The following AK8 variants were observed in gnomAD, a reference collection of about 807,000 sequenced individuals.
The protein encoded by AK8 is adenylate kinase 8.
A neutral mutation model predicts 54.6 loss-of-function variants in AK8; 44 were observed. That is an observed-to-expected ratio of 0.81 (90% CI 0.63 to 1.04). AK8 has a LOEUF of 1.04. AK8 is among the 50% of genes least tolerant of loss of function. The probability of loss-of-function intolerance (pLI) is 0.00; values close to 1 mark genes in which losing one functional copy is unlikely to be tolerated. For missense variants in AK8, 555 were observed against 613.6 expected, an observed-to-expected ratio of 0.90 and a Z score of 1.01; for synonymous variants, 239 against 245.6, an observed-to-expected ratio of 0.97 and a Z score of 0.25.
chr9:132,866,699 G>A (rs1843612893), intron 3 of AK8, among the ~76,000 whole-genome samples: 1 of 152,180 alleles, frequency 6.6e-6, no homozygotes, highest in Non-Finnish European at 1.5e-5. Flanking sequence ...CTCATCTCTG[G>A]ATGGTCAGGG....
At chr9:132,849,310 C>T (rs935422125) in intron 5 of AK8, among the ~76,000 whole-genome samples, 4 of 152,188 alleles carry the variant, frequency 2.6e-5, no homozygotes, top group African/African-American at 4.8e-5. Context: ...CTACAGCCCG[C>T]GGGCCAAATC....
intron 11 of AK8, among the ~76,000 whole-genome samples, chr9:132,732,691 C>T (rs78645464): frequency 0.024 from 3,676 of 152,212 alleles, 118 homozygotes; most frequent in Admixed American, 0.031. Context: ...ATGAAGTTCA[C>T]GCCACGAGAG....
intron 2 of AK8, among the ~76,000 whole-genome samples, chr9:132,873,020 A>G (rs1332339824): frequency 6.6e-6 from 1 of 151,974 alleles, no homozygotes; most frequent in South Asian, 2.1e-4. Context: ...TCACCATGTT[A>G]GCCAGGATGT....
chr9:132,730,198 G>A (rs1039178651), intron 11 of AK8, among the ~76,000 whole-genome samples: 1 of 152,184 alleles, frequency 6.6e-6, no homozygotes, highest in Admixed American at 6.5e-5. Context: ...GCCTCTCACT[G>A]ACATCCTTGG....
chr9:132,853,075 G>A (rs1009525426), intron 5 of AK8, among the ~76,000 whole-genome samples: 1 of 151,902 alleles, frequency 6.6e-6, no homozygotes, highest in East Asian at 1.9e-4. Flanking sequence ...CCTAAAAATA[G>A]GCCGGGCACG....
chr9:132,821,726 C>CATATATGT (rs149160355), intron 9 of AK8, among the ~76,000 whole-genome samples: 4 of 99,822 alleles, frequency 4.0e-5, no homozygotes, highest in African/African-American at 1.8e-4. Flanking sequence ...TATGTATATA[C>CATATATGT]ATATATGTAT....
chr9:132,858,159 C>T (rs1036231003), intron 4 of AK8, among the ~76,000 whole-genome samples: 1 of 152,228 alleles, frequency 6.6e-6, no homozygotes, highest in Non-Finnish European at 1.5e-5. Flanking sequence ...TGCTTCCGTG[C>T]ACTTAAGGGC....
At chr9:132,858,175 A>G (rs1843251738) in intron 4 of AK8, among the ~76,000 whole-genome samples, 1 of 152,206 alleles carries the variant, frequency 6.6e-6, no homozygotes, top group African/African-American at 2.4e-5. Context: ...AGGGCAGGAC[A>G]GGCTGTGTTT....
At chr9:132,786,806 A>G (rs1839728677) in intron 11 of AK8, among the ~76,000 whole-genome samples, 2 of 152,186 alleles carry the variant, frequency 1.3e-5, no homozygotes, top group Non-Finnish European at 2.9e-5. Context: ...ACAAACAAAA[A>G]TTCAATAGAA....
chr9:132,870,722 C>T (rs1266537090), intron 2 of AK8, among the ~76,000 whole-genome samples: 1 of 152,218 alleles, frequency 6.6e-6, no homozygotes, highest in Non-Finnish European at 1.5e-5. Flanking sequence ...CCAGCCATGT[C>T]ACTGTGTGTG....
At chr9:132,786,722 C>T (rs147323436) in intron 11 of AK8, among the ~76,000 whole-genome samples, 100 of 152,136 alleles carry the variant, frequency 6.6e-4, no homozygotes, top group African/African-American at 2.2e-3. Context: ...CATTCTTAGA[C>T]GTGAGCAAAC....
intron 10 of AK8, among the ~76,000 whole-genome samples, chr9:132,811,010 G>A (rs1345656178): frequency 6.6e-6 from 1 of 152,186 alleles, no homozygotes; most frequent in African/African-American, 2.4e-5. Context: ...GGGCTATAGA[G>A]AGGTGGTTCA....
chr9:132,772,458 G>A (rs954149998), intron 11 of AK8, among the ~76,000 whole-genome samples: 5 of 152,190 alleles, frequency 3.3e-5, no homozygotes, highest in African/African-American at 4.8e-5. Context: ...ATGTGGACAC[G>A]CAGAGAGGCA....
At chr9:132,753,132 C>T (rs571828574) in intron 11 of AK8, among the ~76,000 whole-genome samples, 6 of 152,350 alleles carry the variant, frequency 3.9e-5, no homozygotes, top group East Asian at 1.9e-4. Context: ...TGGGGAATCA[C>T]GCCGCATTCC....
At position 132,725,874 on chromosome 9, in the gene AK8, G is replaced by A. The variant is rs758685979; in HGVS notation, c.1254C>T (p.Leu418=). 2 of 1,611,586 alleles carry A rather than the reference G, an allele frequency of 1.2e-6. No individual in the cohort carries two copies. The highest frequency in any genetic ancestry group is 1.7e-6 in the Non-Finnish European group (2 of 1,179,454). ...CTTCAGCATCCTTTGGGTTCTGCAGGAGGCGAGCCTGGATCTCCATGGTGG... is the reference window on the plus strand; with the variant it reads ...CTTCAGCATCCTTTGGGTTCTGCAGAAGGCGAGCCTGGATCTCCATGGTGG... ...PPPTMEIQAR[L]LQNPKDAEEQ... The change falls in exon 13 of 13, where the codon CTC becomes CTT. Residue 418 remains leucine, a synonymous_variant. Transcript: ENST00000298545.
At chr9:132,750,736 C>T (rs1038849337) in intron 11 of AK8, among the ~76,000 whole-genome samples, 2 of 152,002 alleles carry the variant, frequency 1.3e-5, no homozygotes, top group African/African-American at 2.4e-5. Context: ...CTCCCTTAGG[C>T]TCCCTCCCCT....
chr9:132,771,433 T>A (rs1410927291), intron 11 of AK8, among the ~76,000 whole-genome samples: 4 of 152,224 alleles, frequency 2.6e-5, no homozygotes, highest in Admixed American at 2.0e-4. Flanking sequence ...TATGAAAATG[T>A]GTCGCCTTCC....
At chr9:132,808,452 C>T (rs944474758) in intron 10 of AK8, among the ~76,000 whole-genome samples, 3 of 152,128 alleles carry the variant, frequency 2.0e-5, no homozygotes, top group African/African-American at 7.2e-5. Context: ...AAGATGGGGC[C>T]CTGGGGTCCT....
chr9:132,804,034 A>G (rs1429212151), intron 10 of AK8, among the ~76,000 whole-genome samples: 1 of 145,692 alleles, frequency 6.9e-6, no homozygotes, highest in Non-Finnish European at 1.5e-5. Flanking sequence ...TGAACCCAGG[A>G]GGCGAAAGTT....
Sources: allele counts gnomAD v4.1 joint callset (sites outside exome capture counted in the v4.1 genomes callset), GRCh38; gene constraint gnomAD v4.1.1; transcripts MANE v1.5; gene names NCBI Gene and HGNC (gene_info 2026-07-23, HGNC 2026-07-21).